Variants in IQGAP1 observed in about 807,000 individuals in gnomAD.
The protein encoded by IQGAP1 is IQ motif containing GTPase activating protein 1, also known as ras GTPase-activating-like protein IQGAP1.
A neutral mutation model predicts 215.6 loss-of-function variants in IQGAP1; 66 were observed. The observed-to-expected ratio is 0.31, with a 90% confidence interval of 0.25 to 0.38. The LOEUF (loss-of-function observed/expected upper bound fraction) is 0.38. Among genes scored for constraint, IQGAP1 ranks in the 10% least tolerant of loss-of-function variants. IQGAP1 has a pLI of 1.00. For synonymous variants in IQGAP1, 772 were observed against 728.7 expected (o/e 1.06, Z -0.96); for missense variants, 1,712 against 1,997.1 (o/e 0.86, Z 2.72).
chr15:90,391,197 C>T (rs1330200978), intron 2 of IQGAP1: 1 of 211,016 alleles, frequency 4.7e-6, no homozygotes, highest in Non-Finnish European at 9.7e-6. Flanking sequence ...GTGCTCTCAC[C>T]ACTGTGCTCT....
intron 2 of IQGAP1, among the ~76,000 whole-genome samples, chr15:90,425,130 C>T (rs935249381): frequency 2.6e-5 from 4 of 151,862 alleles, no homozygotes; most frequent in African/African-American, 7.3e-5. Flanking sequence ...GTCAATATGA[C>T]GAAGCCCCGT....
chr15:90,441,943 A>G (rs1003796104), intron 8 of IQGAP1, among the ~76,000 whole-genome samples: 1 of 152,088 alleles, frequency 6.6e-6, no homozygotes, highest in Non-Finnish European at 1.5e-5. Flanking sequence ...TCTATTTTCT[A>G]TTGCTGCCAT....
At chr15:90,403,562 A>G (rs1964833791) in intron 2 of IQGAP1, among the ~76,000 whole-genome samples, 1 of 152,196 alleles carries the variant, frequency 6.6e-6, no homozygotes, top group Non-Finnish European at 1.5e-5. Context: ...TTTTCCCCAC[A>G]TGGAACTGCT....
chr15:90,450,192 T>C (rs1028954100), intron 11 of IQGAP1, among the ~76,000 whole-genome samples: 1 of 152,136 alleles, frequency 6.6e-6, no homozygotes, highest in African/African-American at 2.4e-5. Context: ...ACTCTACCTC[T>C]GTGAGATCCA....
intron 26 of IQGAP1, among the ~76,000 whole-genome samples, chr15:90,480,752 T>G (rs182929569): frequency 1.3e-3 from 202 of 152,318 alleles, no homozygotes; most frequent in Non-Finnish European, 1.7e-3. Flanking sequence ...CACTGCAACC[T>G]CTGCCTCCCT....
intron 2 of IQGAP1, among the ~76,000 whole-genome samples, chr15:90,416,884 TA>T (rs1965059085): frequency 6.6e-6 from 1 of 152,184 alleles, no homozygotes; most frequent in Non-Finnish European, 1.5e-5. Context: ...GCCTGTTTCT[TA>T]ACTTTTTAAT....
At position 90,474,136 on chromosome 15, in the gene IQGAP1, G is replaced by T; in HGVS notation, c.2575+3G>T. ...TCGGGATGACTACAAGACTCTCAGTGAGTAACTGGCTCCGCATGAAGAGTT... is the reference window on the plus strand; with the variant it reads ...TCGGGATGACTACAAGACTCTCAGTTAGTAACTGGCTCCGCATGAAGAGTT... On this transcript the variant is annotated splice_donor_region_variant and intron_variant, in intron 22 of 37. Coordinates refer to ENST00000268182, the MANE Select transcript of IQGAP1 (RefSeq NM_003870.4). 1 of 1,608,382 alleles carries T rather than the reference G, an allele frequency of 6.2e-7. No individual in the cohort carries two copies.
intron 4 of IQGAP1, among the ~76,000 whole-genome samples, chr15:90,430,413 A>G (rs964554263): frequency 4.6e-5 from 7 of 152,310 alleles, no homozygotes; most frequent in African/African-American, 1.7e-4. Flanking sequence ...CACCAAAAAA[A>G]TGTATACAGA....
intron 2 of IQGAP1, among the ~76,000 whole-genome samples, chr15:90,412,497 T>C (rs1964981055): frequency 6.6e-6 from 1 of 152,182 alleles, no homozygotes; most frequent in South Asian, 2.1e-4. Context: ...TGACGTATTC[T>C]CCCTTATCAG....
At position 90,495,017 on chromosome 15, in the gene IQGAP1, C is replaced by A. The variant is rs756996455; in HGVS notation, c.4751+182C>A. On this transcript the variant is annotated intron_variant, in intron 36 of 37. Coordinates refer to ENST00000268182, the MANE Select transcript of IQGAP1 (RefSeq NM_003870.4). ...GTTAATTTGTCATAAAAGAGTTTTT[C>A]TTTTCCTTGTTTGTAGAACATTTGT... 4.6e-5 allele frequency among the ~76,000 whole-genome samples: 7 copies of A among 152,026 alleles called. No individual in the cohort carries two copies. The East Asian group carries it at 7.7e-4, about 17-fold the overall frequency.
Position 90,484,295 on chromosome 15 carries a change from A to G in IQGAP1, c.3864A>G (p.Val1288=), listed in dbSNP as rs1456581634. 6.2e-7 allele frequency: 1 copy of G among 1,612,368 alleles called. No homozygotes were observed. Among genetic ancestry groups the G allele is most frequent in the Non-Finnish European group, 8.5e-7 (1 of 1,178,582 alleles). ...KFNVDEYSDL[V]TLTKPVIYIS... is the part of the protein sequence containing the mutation. Reference sequence around the variant, plus strand: ...ATGTGGATGAGTACTCTGATTTAGTAACCCTCACCAAACCAGTAATCTACA... The same window carrying G: ...ATGTGGATGAGTACTCTGATTTAGTGACCCTCACCAAACCAGTAATCTACA... Residue 1288 remains valine (V), a synonymous_variant, in exon 30 of 38, where the codon GTA becomes GTG. Transcript: ENST00000268182.
At chr15:90,496,330 T>C (rs1966273766) in intron 36 of IQGAP1, among the ~76,000 whole-genome samples, 1 of 97,180 alleles carries the variant, frequency 1.0e-5, no homozygotes, top group Non-Finnish European at 2.0e-5. Context: ...TTTTTTTTTT[T>C]TTTTTGAGAC....
chr15:90,439,913 A>T (rs561856590), intron 6 of IQGAP1, among the ~76,000 whole-genome samples: 1 of 152,330 alleles, frequency 6.6e-6, no homozygotes, highest in African/African-American at 2.4e-5. Context: ...GAAAAAGGGC[A>T]GTGGTAATAC....
At chr15:90,425,988 A>G (rs1965215692) in intron 2 of IQGAP1, 122 bp from the exon 3 acceptor site, 3 of 883,766 alleles carry the variant, frequency 3.4e-6, no homozygotes, top group East Asian at 3.1e-5. Context: ...AACTGATTGT[A>G]AAAGAGTGCT....
intron 2 of IQGAP1, among the ~76,000 whole-genome samples, chr15:90,399,817 T>A (rs535751346): frequency 1.3e-5 from 2 of 152,308 alleles, no homozygotes; most frequent in South Asian, 4.1e-4. Flanking sequence ...AAAAACCAGC[T>A]GTTTATTACC....
At chr15:90,395,501 T>C (rs1245612449) in intron 2 of IQGAP1, among the ~76,000 whole-genome samples, 1 of 152,130 alleles carries the variant, frequency 6.6e-6, no homozygotes, top group Non-Finnish European at 1.5e-5. Context: ...TTTGTATTTT[T>C]AGTAGAGACG....
intron 2 of IQGAP1, among the ~76,000 whole-genome samples, chr15:90,422,453 T>G (rs2151012259): frequency 6.6e-6 from 1 of 152,008 alleles, no homozygotes; most frequent in African/African-American, 2.4e-5. Context: ...GCACTATTAT[T>G]TAATGGTTGA....
In IQGAP1 at chr15:90,482,171, C is replaced by G. The variant is rs772122567; in HGVS notation, c.3471-26C>G. 2.2e-5 allele frequency: 35 copies of G among 1,614,028 alleles called. No homozygotes were observed. The East Asian group carries it at 7.4e-4, about 34-fold the overall frequency. On this transcript the variant is annotated intron_variant, in intron 27 of 37. Coordinates refer to ENST00000268182, the MANE Select transcript of IQGAP1 (RefSeq NM_003870.4). ...AGTGCCTTTCTGCTCCTTGGCCCTT[C>G]TCACTAAGTTTTGTCCATCCCGCAG...
intron 2 of IQGAP1, among the ~76,000 whole-genome samples, chr15:90,401,099 T>A (rs1964798043): frequency 6.6e-6 from 1 of 152,140 alleles, no homozygotes; most frequent in South Asian, 2.1e-4. Flanking sequence ...TATCGTTGAG[T>A]TAGCCGAGTG....
Sources: allele counts gnomAD v4.1 joint callset (sites outside exome capture counted in the v4.1 genomes callset), GRCh38; gene constraint gnomAD v4.1.1; transcripts MANE v1.5; gene names NCBI Gene and HGNC (gene_info 2026-07-23, HGNC 2026-07-21).